DGKI: variants seen among roughly 807,000 people sequenced by gnomAD.
DGKI encodes the protein DAG kinase iota.
In DGKI, 55 loss-of-function variants were observed where a neutral mutation model predicts 147.5. The observed-to-expected ratio is 0.37, with a 90% CI of 0.30 to 0.47. The LOEUF is 0.47. Ranked by LOEUF, DGKI falls within the 20% of genes least tolerant of loss-of-function variation. DGKI has a pLI of 1.00. For missense variants in DGKI, 1,007 were observed against 1,323.8 expected, an observed-to-expected ratio of 0.76 and a Z score of 3.71; for synonymous variants, 469 against 477.1, an observed-to-expected ratio of 0.98 and a Z score of 0.22.
At chr7:137,593,083 C>CT (rs1819671255) in intron 12 of DGKI, among the ~76,000 whole-genome samples, 1 of 152,124 alleles carries the variant, frequency 6.6e-6, no homozygotes, top group East Asian at 1.9e-4. Flanking sequence ...ATTTGGGATG[C>CT]TTTTTCATCT....
At position 137,846,134 on chromosome 7, in the gene DGKI, T is replaced by TCTCTCTCTC. The variant is rs1798709704; in HGVS notation, c.401+327_401+328insGAGAGAGAG. Among the ~76,000 whole-genome samples, 29 of 85,330 alleles carry TCTCTCTCTC rather than the reference T, an allele frequency of 3.4e-4. No individual in the cohort carries two copies. The highest frequency in any genetic ancestry group is 4.6e-4 in the Non-Finnish European group (21 of 45,208). 56.0% of individuals were successfully genotyped at this position (85,330 alleles called of 152,430 possible). A position where few individuals can be genotyped will look rare whatever the true frequency, so the allele number is the denominator to read the frequency against. Reference sequence around the variant, plus strand: ...TCTGCAACCCTTTCTCTCTCTCTCTTTCTCTCTCTCTCTCTCTCTCTCTCT... The same window carrying TCTCTCTCTC: ...TCTGCAACCCTTTCTCTCTCTCTCTTCTCTCTCTCTCTCTCTCTCTCTCTCTCTCTCTCT... On this transcript the variant is annotated intron_variant, in intron 1 of 32. Transcript: ENST00000614521. This position sits in a 1 kb window ranked among gnomAD's most constrained non-coding sequence, Gnocchi z 4.0.
At chr7:137,833,909 T>C (rs1798292349) in intron 1 of DGKI, among the ~76,000 whole-genome samples, 1 of 152,282 alleles carries the variant, frequency 6.6e-6, no homozygotes, top group East Asian at 1.9e-4. Context: ...TGGATGCATA[T>C]AGGAATATAG....
intron 1 of DGKI, among the ~76,000 whole-genome samples, chr7:137,787,175 T>A (rs1394995473): frequency 6.6e-6 from 1 of 152,068 alleles, no homozygotes; most frequent in Non-Finnish European, 1.5e-5. Context: ...ATTAGCAGAA[T>A]TAACAGACAA....
At chr7:137,836,334 C>T (rs1280827653) in intron 1 of DGKI, among the ~76,000 whole-genome samples, 2 of 152,158 alleles carry the variant, frequency 1.3e-5, no homozygotes, top group Non-Finnish European at 2.9e-5. Context: ...CTAGGTGTCT[C>T]TAACTGCACT....
intron 28 of DGKI, among the ~76,000 whole-genome samples, chr7:137,423,513 A>G (rs763731463): frequency 6.6e-5 from 10 of 152,230 alleles, no homozygotes; most frequent in Non-Finnish European, 1.3e-4. Context: ...GACTGTTTGG[A>G]AAATGATGTT....
chr7:137,429,620 T>C (rs993457144), intron 28 of DGKI, among the ~76,000 whole-genome samples: 4 of 151,868 alleles, frequency 2.6e-5, no homozygotes, highest in South Asian at 2.1e-4. Flanking sequence ...ACAGGTAACC[T>C]ACAAAATGGG....
In DGKI at chr7:137,395,565, C is replaced by T. The variant is rs180844890; in HGVS notation, c.3057+33G>A. ...CAACAGCGCCTGCGATCTCGCCCAGCGGGAGGATGTTTGCACTCACTCATC... is the reference window on the plus strand; with the variant it reads ...CAACAGCGCCTGCGATCTCGCCCAGTGGGAGGATGTTTGCACTCACTCATC... On this transcript the variant is annotated intron_variant, in intron 32 of 32. Coordinates refer to ENST00000614521, the MANE Select transcript of DGKI (RefSeq NM_001321708.2). 5.1e-4 allele frequency: 807 copies of T among 1,593,768 alleles called. No homozygotes were observed. The African/African-American group carries it at 8.8e-3, about 17-fold the overall frequency.
chr7:137,667,106 T>C (rs1342380976), intron 3 of DGKI, among the ~76,000 whole-genome samples: 1 of 152,270 alleles, frequency 6.6e-6, no homozygotes, highest in Non-Finnish European at 1.5e-5. Flanking sequence ...TTCCTTGTCA[T>C]ATTTTTACAC....
intron 1 of DGKI, among the ~76,000 whole-genome samples, chr7:137,818,301 T>G (rs1453375306): frequency 1.3e-5 from 2 of 152,162 alleles, no homozygotes; most frequent in African/African-American, 4.8e-5. Context: ...AGTCCAGAAA[T>G]GTGTCATCAA....
At chr7:137,674,799 G>A (rs991182766) in intron 3 of DGKI, among the ~76,000 whole-genome samples, 3 of 152,006 alleles carry the variant, frequency 2.0e-5, no homozygotes, top group African/African-American at 7.3e-5. Context: ...AACTGAGCTC[G>A]AACCCCATTT....
intron 19 of DGKI, 106 bp from the exon 20 acceptor site, chr7:137,552,674 C>G (rs1818088413): frequency 8.4e-7 from 1 of 1,184,420 alleles, no homozygotes; most frequent in African/African-American, 1.5e-5. Context: ...TTTGGGAGAC[C>G]AAGGCAGGTG....
chr7:137,523,767 C>T (rs1304349870), intron 20 of DGKI, among the ~76,000 whole-genome samples: 1 of 152,112 alleles, frequency 6.6e-6, no homozygotes, highest in Non-Finnish European at 1.5e-5. Context: ...TACAGCTTGA[C>T]AGTATATTTA....
intron 20 of DGKI, among the ~76,000 whole-genome samples, chr7:137,540,938 C>A (rs1394778686): frequency 6.6e-6 from 1 of 152,020 alleles, no homozygotes; most frequent in Non-Finnish European, 1.5e-5. Flanking sequence ...AGTCTCAACA[C>A]AGTAAAGATA....
At chr7:137,563,381 C>A (rs766492931) in intron 19 of DGKI, among the ~76,000 whole-genome samples, 1 of 151,804 alleles carries the variant, frequency 6.6e-6, no homozygotes, top group Non-Finnish European at 1.5e-5. Flanking sequence ...TTTTATTCAA[C>A]ATCTTAGTGA....
At chr7:137,821,500 C>T (rs1017955351) in intron 1 of DGKI, among the ~76,000 whole-genome samples, 1 of 152,076 alleles carries the variant, frequency 6.6e-6, no homozygotes, top group Non-Finnish European at 1.5e-5. Flanking sequence ...TGAAGAAATA[C>T]ACGAATATGT....
At chr7:137,618,608 T>C (rs1218076692) in intron 8 of DGKI, among the ~76,000 whole-genome samples, 1 of 151,942 alleles carries the variant, frequency 6.6e-6, no homozygotes, top group Admixed American at 6.6e-5. Context: ...TGTAAAGCCT[T>C]GGAGAGATTA....
chr7:137,484,406 T>A (rs1424929715), intron 23 of DGKI, among the ~76,000 whole-genome samples: 1 of 152,076 alleles, frequency 6.6e-6, no homozygotes, highest in Non-Finnish European at 1.5e-5. Flanking sequence ...TTAGGCATAG[T>A]TATATTCCTC....
intron 28 of DGKI, among the ~76,000 whole-genome samples, chr7:137,437,448 G>A (rs2128914220): frequency 6.6e-6 from 1 of 152,158 alleles, no homozygotes; most frequent in Non-Finnish European, 1.5e-5. Flanking sequence ...ACACAAAAAT[G>A]ACCAAATCCT....
At chr7:137,823,372 C>T (rs982998736) in intron 1 of DGKI, among the ~76,000 whole-genome samples, 3 of 152,148 alleles carry the variant, frequency 2.0e-5, no homozygotes, top group Non-Finnish European at 2.9e-5. Flanking sequence ...CTGAAAAGCT[C>T]TCAGTCAAGT....
Sources: gnomAD v4.1 joint callset for allele counts (sites outside exome capture counted in the v4.1 genomes callset) on GRCh38, gnomAD v4.1.1 for gene constraint, Gnocchi (gnomAD v3.1) non-coding constraint, MANE v1.5 for transcripts, NCBI Gene and HGNC (gene_info 2026-07-23, HGNC 2026-07-21) for gene names.